KIRREL3: variants seen among roughly 807,000 people sequenced by gnomAD.
KIRREL3 encodes kin of IRRE-like protein 3.
In KIRREL3, 36 loss-of-function variants were observed where a neutral mutation model predicts 89.7. The observed-to-expected ratio is 0.40, with a 90% CI of 0.31 to 0.53. KIRREL3 has a LOEUF of 0.53. Ranked by LOEUF, KIRREL3 falls within the 20% of genes least tolerant of loss-of-function variation. The pLI is 0.49. For missense variants in KIRREL3, 864 were observed against 1,056.6 expected (o/e 0.82, Z 2.53); for synonymous variants, 445 against 441.4 (o/e 1.01, Z -0.10).
At chr11:126,973,662 G>A (rs1296659936) in intron 1 of KIRREL3, among the ~76,000 whole-genome samples, 1 of 152,096 alleles carries the variant, frequency 6.6e-6, no homozygotes, top group Admixed American at 6.5e-5. Context: ...GTGATCTTGG[G>A]CAAGCAACTC....
In KIRREL3 at chr11:126,807,931, G is replaced by T. The variant is rs975919264; in HGVS notation, c.55+192524C>A. Among the ~76,000 whole-genome samples the T allele has an allele frequency of 1.3e-5, 2 of 152,218 alleles. No individual in the cohort carries two copies. Among genetic ancestry groups the T allele is most frequent in the Non-Finnish European group, 2.9e-5 (2 of 68,040 alleles). ...ACTAATATGCCCAAGGCCATGGGCT[G>T]CAACCTTTTTATCTGTATCCCTCAG... On this transcript the variant is annotated intron_variant, in intron 1 of 16. Coordinates refer to ENST00000525144, the MANE Select transcript of KIRREL3 (RefSeq NM_032531.4). This position sits in a 1 kb window ranked among gnomAD's most constrained non-coding sequence, Gnocchi z 4.3.
Position 126,489,938 on chromosome 11 carries a change from T to C in KIRREL3, c.434-16472A>G, listed in dbSNP as rs978807753. ...GGGTCTCAGCTCAGATCTCCATCCCTGGCACTGTGCAGGAATCTGGGCGTG... is the reference window on the plus strand; with the variant it reads ...GGGTCTCAGCTCAGATCTCCATCCCCGGCACTGTGCAGGAATCTGGGCGTG... On this transcript the variant is annotated intron_variant, in intron 4 of 16. Coordinates refer to ENST00000525144, the MANE Select transcript of KIRREL3 (RefSeq NM_032531.4). The surrounding 1 kb of genome is among the most constrained non-coding windows in gnomAD (Gnocchi z 5.5). 6.6e-6 allele frequency among the ~76,000 whole-genome samples: 1 copy of C among 152,112 alleles called. No homozygotes were observed. The highest frequency in any genetic ancestry group is 1.5e-5 in the Non-Finnish European group (1 of 68,010).
rs1452475131 is a variant in KIRREL3, at chr11:126,513,428, CCTT to C, written c.433+7884_433+7886del. On this transcript the variant is annotated intron_variant, in intron 4 of 16. Transcript: ENST00000525144. The surrounding 1 kb of genome is among the most constrained non-coding windows in gnomAD (Gnocchi z 5.9). ...GTGCATTCCTTGCATCAGGTCTTCT[CCTT>C]CTTGGAGAGGCTCCTGCCTGCCCTT... Among the ~76,000 whole-genome samples, 6 of 152,260 alleles carry C rather than the reference CCTT, an allele frequency of 3.9e-5. No individual in the cohort carries two copies. The highest frequency in any genetic ancestry group is 1.4e-4 in the African/African-American group (6 of 41,544).
At chr11:126,986,028 C>T (rs1204233565) in intron 1 of KIRREL3, among the ~76,000 whole-genome samples, 1 of 152,142 alleles carries the variant, frequency 6.6e-6, no homozygotes, top group Non-Finnish European at 1.5e-5. Context: ...CCTGTACAAT[C>T]CACCACCTGT....
chr11:126,937,772 G>A (rs1296943695), intron 1 of KIRREL3, among the ~76,000 whole-genome samples: 2 of 152,196 alleles, frequency 1.3e-5, no homozygotes, highest in Admixed American at 6.5e-5. Flanking sequence ...GGTGGCAGGT[G>A]CCTGTAGTCC....
At chr11:126,540,728 C>T (rs1055290145) in intron 2 of KIRREL3, among the ~76,000 whole-genome samples, 14 of 152,224 alleles carry the variant, frequency 9.2e-5, no homozygotes, top group Admixed American at 8.5e-4. Flanking sequence ...TGCCCGAGGT[C>T]ACCTGGAGGT....
intron 1 of KIRREL3, chr11:126,936,633 C>T (rs1306222189): frequency 3.3e-5 from 5 of 149,312 alleles, no homozygotes; most frequent in Admixed American, 6.7e-5. Context: ...CAAAACCATA[C>T]TAAGTGAAAG....
chr11:126,846,851 T>C (rs1008963138), intron 1 of KIRREL3, among the ~76,000 whole-genome samples: 1 of 152,184 alleles, frequency 6.6e-6, no homozygotes, highest in Non-Finnish European at 1.5e-5. Flanking sequence ...TTGTGAAAGA[T>C]TTGTAAAAAA....
chr11:126,676,398 C>CA lies in KIRREL3; in HGVS notation c.56-113487_56-113486insT, dbSNP rs1946189179. 6.6e-6 allele frequency among the ~76,000 whole-genome samples: 1 copy of CA among 152,166 alleles called. No individual in the cohort carries two copies. Among genetic ancestry groups the CA allele is most frequent in the Non-Finnish European group, 1.5e-5 (1 of 68,038 alleles). ...TCTCAGTTCAGGCTAGAATTCTCTC[C>CA]TACCCTGGGGCCTCTCTAGTCCCCC... is the stretch of plus-strand genomic sequence containing the variant. On this transcript the variant is annotated intron_variant, in intron 1 of 16. Coordinates refer to ENST00000525144, the MANE Select transcript of KIRREL3 (RefSeq NM_032531.4). The surrounding 1 kb of genome is among the most constrained non-coding windows in gnomAD (Gnocchi z 4.5).
At chr11:126,868,410 G>A (rs1408972984) in intron 1 of KIRREL3, among the ~76,000 whole-genome samples, 1 of 152,290 alleles carries the variant, frequency 6.6e-6, no homozygotes, top group Non-Finnish European at 1.5e-5. Context: ...GTGGGGCTTT[G>A]AGGGAGGGCC....
chr11:126,561,787 G>A lies in KIRREL3; in HGVS notation c.133+1048C>T, dbSNP rs904627186. Among the ~76,000 whole-genome samples, 1 of 152,214 alleles carries A rather than the reference G, an allele frequency of 6.6e-6. No individual in the cohort carries two copies. Among genetic ancestry groups the A allele is most frequent in the Non-Finnish European group, 1.5e-5 (1 of 68,038 alleles). ...TTGTCAGATTGTCACCATGATGGGT[G>A]CTGGAAACAGGTCCACAGCTGGCAA... is the stretch of plus-strand genomic sequence containing the variant. On this transcript the variant is annotated intron_variant, in intron 2 of 16. Transcript: ENST00000525144. This position sits in a 1 kb window ranked among gnomAD's most constrained non-coding sequence, Gnocchi z 4.5.
chr11:126,767,725 T>C (rs1177019202), intron 1 of KIRREL3, among the ~76,000 whole-genome samples: 1 of 152,190 alleles, frequency 6.6e-6, no homozygotes, highest in African/African-American at 2.4e-5. Context: ...AATGTACGTA[T>C]GTTCAGCCTG....
intron 1 of KIRREL3, among the ~76,000 whole-genome samples, chr11:126,738,585 G>A (rs1233071782): frequency 6.6e-6 from 1 of 152,150 alleles, no homozygotes; most frequent in Non-Finnish European, 1.5e-5. Context: ...TTTGCTGGGT[G>A]GTAATTAATA....
At position 126,428,455 on chromosome 11, in the gene KIRREL3, T is replaced by C. The variant is rs1955016557; in HGVS notation, c.1806+724A>G. Among the ~76,000 whole-genome samples, 1 of 152,150 alleles carries C rather than the reference T, an allele frequency of 6.6e-6. No individual in the cohort carries two copies. Among genetic ancestry groups the C allele is most frequent in the African/African-American group, 2.4e-5 (1 of 41,424 alleles). On this transcript the variant is annotated intron_variant, in intron 15 of 16. Coordinates refer to ENST00000525144, the MANE Select transcript of KIRREL3 (RefSeq NM_032531.4). The surrounding 1 kb of genome is among the most constrained non-coding windows in gnomAD (Gnocchi z 6.4). ...CAGTCCCCAAGGAGGAACCTGTGTT[T>C]CTTGCAGACTGTTTTGGTGGGGTGC... is the stretch of plus-strand genomic sequence containing the variant.
At chr11:126,599,790 G>A (rs1429691915) in intron 1 of KIRREL3, among the ~76,000 whole-genome samples, 2 of 152,210 alleles carry the variant, frequency 1.3e-5, no homozygotes, top group East Asian at 1.9e-4. Flanking sequence ...TGGAGAAAGA[G>A]CCAGAAGACC....
chr11:126,765,514 G>C (rs1949795990), intron 1 of KIRREL3, among the ~76,000 whole-genome samples: 1 of 152,132 alleles, frequency 6.6e-6, no homozygotes, highest in African/African-American at 2.4e-5. Context: ...TGTGTCTCCT[G>C]CATTTAGCTG....
rs1565704133 is a variant in KIRREL3 at position 126,754,296 on chromosome 11, G to C, written c.56-191384C>G. Among the ~76,000 whole-genome samples the C allele has an allele frequency of 6.6e-6, 1 of 152,132 alleles. No individual in the cohort carries two copies. Among genetic ancestry groups the C allele is most frequent in the Non-Finnish European group, 1.5e-5 (1 of 68,028 alleles). On this transcript the variant is annotated intron_variant, in intron 1 of 16. Transcript: ENST00000525144. This position sits in a 1 kb window ranked among gnomAD's most constrained non-coding sequence, Gnocchi z 5.1. Reference sequence around the variant, plus strand: ...GCTTTGAGAAGACTTTTAATAGAAAGTGAGATTAAAAGAAAACTTGATGGA... The same window carrying C: ...GCTTTGAGAAGACTTTTAATAGAAACTGAGATTAAAAGAAAACTTGATGGA...
chr11:126,852,643 C>A (rs1180973750), intron 1 of KIRREL3, among the ~76,000 whole-genome samples: 2 of 152,164 alleles, frequency 1.3e-5, no homozygotes, highest in African/African-American at 4.8e-5. Context: ...GCAAAGAAAG[C>A]TCTTGAGAAG....
At chr11:126,695,059 C>G (rs1002489591) in intron 1 of KIRREL3, among the ~76,000 whole-genome samples, 3 of 152,204 alleles carry the variant, frequency 2.0e-5, no homozygotes, top group East Asian at 3.9e-4. Flanking sequence ...TCCCTCACCC[C>G]CTTCTGTCTG....
Sources: gnomAD v4.1 joint callset for allele counts (sites outside exome capture counted in the v4.1 genomes callset) on GRCh38, gnomAD v4.1.1 for gene constraint, Gnocchi (gnomAD v3.1) non-coding constraint, MANE v1.5 for transcripts, NCBI Gene and HGNC (gene_info 2026-07-23, HGNC 2026-07-21) for gene names.